RYR2: variants seen among roughly 807,000 people sequenced by gnomAD.
The protein encoded by RYR2 is cardiac muscle ryanodine receptor-calcium release channel.
RYR2 carries 227 observed loss-of-function variants against 601.1 expected under a neutral mutation model. The observed-to-expected ratio is 0.38, with a 90% CI of 0.34 to 0.42. RYR2 has a LOEUF of 0.42. Among genes scored for constraint, RYR2 ranks in the 10% least tolerant of loss-of-function variants. The probability of loss-of-function intolerance (pLI) is 1.00; values close to 1 mark genes in which losing one functional copy is unlikely to be tolerated. For synonymous variants in RYR2, 2,223 were observed against 2,175.1 expected (o/e 1.02, Z -0.61); for missense variants, 4,646 against 6,156.5 (o/e 0.75, Z 8.21).
At chr1:237,812,962 T>G (rs562316931) in intron 100 of RYR2, among the ~76,000 whole-genome samples, 16 of 152,080 alleles carry the variant, frequency 1.1e-4, no homozygotes, top group African/African-American at 3.9e-4. Context: ...GACTGACCCG[T>G]TACTAGTGAC....
At chr1:237,654,544 T>C in intron 52 of RYR2, 130 bp downstream of exon 52, 1 of 832,326 alleles carries the variant, frequency 1.2e-6, no homozygotes, top group Non-Finnish European at 1.8e-6. Context: ...ATTTTTTCTC[T>C]TTTCTCAACT....
At chr1:237,533,729 A>T (rs1379121595) in intron 25 of RYR2, among the ~76,000 whole-genome samples, 5 of 152,188 alleles carry the variant, frequency 3.3e-5, no homozygotes, top group African/African-American at 9.6e-5. Context: ...ACATACTTCG[A>T]TAAGGACTGA....
intron 24 of RYR2, among the ~76,000 whole-genome samples, chr1:237,517,401 G>A (rs947993113): frequency 6.6e-6 from 1 of 152,044 alleles, no homozygotes; most frequent in African/African-American, 2.4e-5. Context: ...CTAGACCAGG[G>A]GTGTCCAATC....
intron 1 of RYR2, among the ~76,000 whole-genome samples, chr1:237,165,964 C>T (rs926984423): frequency 1.3e-5 from 2 of 152,140 alleles, no homozygotes; most frequent in African/African-American, 4.8e-5. Context: ...CTGCTGCACT[C>T]CAGCCTGAGT....
intron 12 of RYR2, among the ~76,000 whole-genome samples, chr1:237,433,040 G>T (rs1323660695): frequency 6.6e-6 from 1 of 151,218 alleles, no homozygotes; most frequent in African/African-American, 2.4e-5. Context: ...TGTGTGGGGG[G>T]GGGTATCTTA....
chr1:237,268,084 C>A (rs1240811406), intron 1 of RYR2, among the ~76,000 whole-genome samples: 1 of 152,168 alleles, frequency 6.6e-6, no homozygotes, highest in African/African-American at 2.4e-5. Context: ...CCCACTTGTC[C>A]CATATATCTG....
intron 2 of RYR2, among the ~76,000 whole-genome samples, chr1:237,309,255 G>T (rs2149483762): frequency 6.8e-6 from 1 of 146,108 alleles, no homozygotes. Context: ...GTGCTGATTG[G>T]TGTATTTACA....
Position 237,042,497 on chromosome 1 carries a change from G to A in RYR2, c.-25G>A. On this transcript the variant is annotated 5_prime_UTR_variant, in exon 1 of 105. Transcript: ENST00000366574. ...CCGAGCTCCGCGGGGCTCGGGAGCC[G>A]GCCCCGGCGAGGAGGCGCGGAACCA... 2.2e-5 allele frequency: 27 copies of A among 1,246,898 alleles called. No individual in the cohort carries two copies. Among genetic ancestry groups the A allele is most frequent in the Non-Finnish European group, 2.6e-5 (26 of 987,226 alleles). 77.2% of individuals were successfully genotyped at this position (1,246,898 alleles called of 1,614,324 possible). A position where few individuals can be genotyped will look rare whatever the true frequency, so the allele number is the denominator to read the frequency against.
chr1:237,433,349 T>TACA (rs1707023594), intron 12 of RYR2, among the ~76,000 whole-genome samples: 2 of 151,708 alleles, frequency 1.3e-5, no homozygotes, highest in Non-Finnish European at 2.9e-5. Context: ...TAGTGCTGAT[T>TACA]ATATTTATAA....
At chr1:237,820,734 G>A (rs1002181429) in intron 101 of RYR2, among the ~76,000 whole-genome samples, 1 of 152,258 alleles carries the variant, frequency 6.6e-6, no homozygotes, top group East Asian at 1.9e-4. Flanking sequence ...GGCTTGGCGG[G>A]TCCCACCCCC....
intron 1 of RYR2, among the ~76,000 whole-genome samples, chr1:237,071,417 T>G (rs1664301232): frequency 6.6e-6 from 1 of 152,008 alleles, no homozygotes; most frequent in Admixed American, 6.6e-5. Flanking sequence ...AGAGACAAGG[T>G]TTCACTATGT....
At chr1:237,539,118 T>C (rs2618674) in intron 25 of RYR2, among the ~76,000 whole-genome samples, 50,836 of 152,140 alleles carry the variant, frequency 0.33, 9,248 homozygotes, top group East Asian at 0.48. Context: ...TAGCTTTCCT[T>C]AAAATGTATT....
intron 24 of RYR2, among the ~76,000 whole-genome samples, chr1:237,512,968 G>A (rs935400758): frequency 3.3e-5 from 5 of 152,142 alleles, no homozygotes; most frequent in East Asian, 1.9e-4. Flanking sequence ...GGATCATGGC[G>A]CACTGCAGCC....
In RYR2 at chr1:237,773,657, T is replaced by C; in HGVS notation, c.11775+9T>C. 1 of 1,609,802 alleles carries C rather than the reference T, an allele frequency of 6.2e-7. No individual in the cohort carries two copies. The highest frequency in any genetic ancestry group is 8.5e-7 in the Non-Finnish European group (1 of 1,177,346). On this transcript the variant is annotated intron_variant, in intron 87 of 104. Coordinates refer to ENST00000366574, the MANE Select transcript of RYR2 (RefSeq NM_001035.3). ...TTACAGAGTATATTCAGGTAAACAT[T>C]TAAACATGGCTGCTATCTGTAGCAC...
At position 237,476,410 on chromosome 1, in the gene RYR2, C is replaced by T. The variant is rs546862223; in HGVS notation, c.1708+7223C>T. 2.6e-4 allele frequency among the ~76,000 whole-genome samples: 38 copies of T among 147,760 alleles called. No homozygotes were observed. The East Asian group carries it at 3.6e-3, about 14-fold the overall frequency. On this transcript the variant is annotated intron_variant, in intron 17 of 104. Coordinates refer to ENST00000366574, the MANE Select transcript of RYR2 (RefSeq NM_001035.3). ...CTGTAATCCCAGCTACTCAGGAGGC[C>T]GAGGCAGGAGAATCGCTTGAACCTG...
At chr1:237,665,397 C>CAAA (rs71162408) in intron 56 of RYR2, among the ~76,000 whole-genome samples, 40 of 95,466 alleles carry the variant, frequency 4.2e-4, no homozygotes, top group East Asian at 1.4e-3. Context: ...GACTCTGTCT[C>CAAA]AAAAAAAAAA....
intron 6 of RYR2, among the ~76,000 whole-genome samples, chr1:237,373,411 CAG>C (rs1700792266): frequency 6.6e-6 from 1 of 152,222 alleles, no homozygotes; most frequent in African/African-American, 2.4e-5. Flanking sequence ...CTCACACTCA[CAG>C]ACACACACCT....
chr1:237,749,282 T>C (rs1392936893), intron 80 of RYR2, among the ~76,000 whole-genome samples: 2 of 152,226 alleles, frequency 1.3e-5, no homozygotes, highest in Non-Finnish European at 2.9e-5. Context: ...CTTGAACTTC[T>C]AGCTGTGTGA....
At chr1:237,293,678 C>T (rs951527070) in intron 2 of RYR2, among the ~76,000 whole-genome samples, 64 of 152,122 alleles carry the variant, frequency 4.2e-4, no homozygotes, top group Non-Finnish European at 4.4e-5. Flanking sequence ...TAGTACAAAG[C>T]ATACAGATGA....
Sources: gnomAD v4.1 joint callset for allele counts (sites outside exome capture counted in the v4.1 genomes callset) on GRCh38, gnomAD v4.1.1 for gene constraint, MANE v1.5 for transcripts, NCBI Gene and HGNC (gene_info 2026-07-23, HGNC 2026-07-21) for gene names.